The following KCNQ5 variants were observed in gnomAD, a reference collection of about 807,000 sequenced individuals.
KCNQ5 encodes the protein potassium voltage-gated channel subfamily KQT member 5.
A neutral mutation model predicts 98.2 loss-of-function variants in KCNQ5; 30 were observed. The observed-to-expected ratio is 0.31, with a 90% CI of 0.23 to 0.41. The LOEUF (loss-of-function observed/expected upper bound fraction) is 0.41. KCNQ5 is among the 10% of genes least tolerant of loss of function. KCNQ5 has a pLI of 1.00. For missense variants in KCNQ5, 835 were observed against 1,182.5 expected (o/e 0.71, Z 4.31); for synonymous variants, 458 against 449.4 (o/e 1.02, Z -0.24).
intron 1 of KCNQ5, among the ~76,000 whole-genome samples, chr6:72,764,434 G>A (rs1288806997): frequency 2.0e-5 from 3 of 151,924 alleles, no homozygotes; most frequent in African/African-American, 4.8e-5. Context: ...AACAAGGAAA[G>A]CACAATCCCT....
rs1333894825 is a variant in KCNQ5 at position 73,194,872 on chromosome 6, C to A, written c.2257C>A (p.Pro753Thr). The change falls in exon 14 of 14, where the codon CCT (proline) becomes ACT (threonine). Residue 753 changes from proline to threonine, a missense_variant. Pro to Thr is a conservative substitution (Grantham distance 38). Around this residue, in one of 10 missense-constraint regions of KCNQ5, gnomAD observed 416 missense variants for 446.9 expected, o/e 0.93. Transcript: ENST00000370398. ...AAPTTLQIPPPLPAIKHLPRP... is the reference protein window; with the variant it reads ...AAPTTLQIPPTLPAIKHLPRP... ...CCCAACAACTTTACAGATCCCACCTCCTCTCCCAGCCATCAAGCATCTGCC... is the reference window on the plus strand; with the variant it reads ...CCCAACAACTTTACAGATCCCACCTACTCTCCCAGCCATCAAGCATCTGCC... The A allele has an allele frequency of 1.9e-6, 3 of 1,614,068 alleles. No individual in the cohort carries two copies. Among genetic ancestry groups the A allele is most frequent in the South Asian group, 1.1e-5 (1 of 91,078 alleles).
At chr6:72,896,853 T>A (rs977916609) in intron 1 of KCNQ5, among the ~76,000 whole-genome samples, 3 of 152,098 alleles carry the variant, frequency 2.0e-5, no homozygotes, top group African/African-American at 7.2e-5. Context: ...TCATAGAAAA[T>A]GCAAGTATTG....
chr6:72,761,276 A>G (rs933621715), intron 1 of KCNQ5, among the ~76,000 whole-genome samples: 1 of 152,148 alleles, frequency 6.6e-6, no homozygotes, highest in Non-Finnish European at 1.5e-5. Flanking sequence ...ATCAGTTTAC[A>G]AATACAGAGA....
rs141659375 is a variant in KCNQ5, at chr6:72,635,209, T to A, written c.398+12622T>A. Among the ~76,000 whole-genome samples, 667 of 152,076 alleles carry A rather than the reference T, an allele frequency of 4.4e-3. 19 individuals carry two copies. The highest frequency in any genetic ancestry group is 0.031 in the Admixed American group (479 of 15,272). On this transcript the variant is annotated intron_variant, in intron 1 of 13. Coordinates refer to ENST00000370398, the MANE Select transcript of KCNQ5 (RefSeq NM_019842.4). ...GCCCAGCTAATTTTTTTTTTATTAT[T>A]TGTAGAGACAGGGTCTCACTATGTT...
chr6:73,121,809 G>T (rs1775762988), intron 8 of KCNQ5, among the ~76,000 whole-genome samples: 1 of 152,236 alleles, frequency 6.6e-6, no homozygotes, highest in South Asian at 2.1e-4. Context: ...TCCCTGTTCT[G>T]CCCTTGGCCT....
Position 73,100,049 on chromosome 6 carries a change from A to G in KCNQ5, c.919-5208A>G, listed in dbSNP as rs1005000829. On this transcript the variant is annotated intron_variant, in intron 5 of 13. Coordinates refer to ENST00000370398, the MANE Select transcript of KCNQ5 (RefSeq NM_019842.4). ...ATCAGTAACAAGAGAAAATTTGGAAACTATACAAACACATGTAAATTAAAC... is the reference window on the plus strand; with the variant it reads ...ATCAGTAACAAGAGAAAATTTGGAAGCTATACAAACACATGTAAATTAAAC... Among the ~76,000 whole-genome samples the G allele has an allele frequency of 2.0e-5, 3 of 152,252 alleles. 1 individual carries two copies. Among genetic ancestry groups the G allele is most frequent in the Non-Finnish European group, 4.4e-5 (3 of 68,046 alleles).
chr6:73,091,602 T>C (rs750698170), intron 5 of KCNQ5, among the ~76,000 whole-genome samples: 12 of 152,332 alleles, frequency 7.9e-5, no homozygotes, highest in Middle Eastern at 6.8e-3. Flanking sequence ...TTCTGGATTC[T>C]CTATTCTGTT....
intron 3 of KCNQ5, among the ~76,000 whole-genome samples, chr6:73,061,323 G>A (rs571877622): frequency 4.6e-4 from 70 of 152,190 alleles, no homozygotes; most frequent in African/African-American, 1.6e-3. Context: ...GTAGGAGTAA[G>A]ATTTTTCAGC....
intron 1 of KCNQ5, among the ~76,000 whole-genome samples, chr6:72,889,450 T>C (rs1318373790): frequency 6.6e-6 from 1 of 152,136 alleles, no homozygotes; most frequent in Admixed American, 6.5e-5. Flanking sequence ...AGACTTACAT[T>C]CTCCCTTCAC....
At chr6:72,769,872 A>G (rs1772767978) in intron 1 of KCNQ5, among the ~76,000 whole-genome samples, 1 of 152,128 alleles carries the variant, frequency 6.6e-6, no homozygotes, top group Non-Finnish European at 1.5e-5. Context: ...AGAACTCAAC[A>G]GCTGTTAATT....
At chr6:72,947,776 A>C (rs777385444) in intron 1 of KCNQ5, among the ~76,000 whole-genome samples, 2 of 152,124 alleles carry the variant, frequency 1.3e-5, no homozygotes, top group African/African-American at 2.4e-5. Flanking sequence ...ATATTAAATT[A>C]TGAGACTTAT....
At chr6:72,900,187 C>T (rs1779431085) in intron 1 of KCNQ5, among the ~76,000 whole-genome samples, 1 of 151,976 alleles carries the variant, frequency 6.6e-6, no homozygotes, top group South Asian at 2.1e-4. Context: ...TCCCACATAT[C>T]AGTGAGAACA....
intron 1 of KCNQ5, among the ~76,000 whole-genome samples, chr6:72,746,147 C>T: frequency 7.2e-6 from 1 of 139,022 alleles, no homozygotes; most frequent in South Asian, 2.5e-4. Flanking sequence ...TTCAACATTT[C>T]TTTATAGGAG....
At chr6:73,145,551 C>G (rs1240435238) in intron 10 of KCNQ5, among the ~76,000 whole-genome samples, 2 of 152,174 alleles carry the variant, frequency 1.3e-5, no homozygotes, top group East Asian at 3.8e-4. Flanking sequence ...CAAATATTCT[C>G]TCCCTATACC....
At chr6:72,885,760 G>A (rs1778822067) in intron 1 of KCNQ5, among the ~76,000 whole-genome samples, 1 of 152,164 alleles carries the variant, frequency 6.6e-6, no homozygotes, top group Non-Finnish European at 1.5e-5. Context: ...GGGAAAGGAA[G>A]CAGAGCCTTC....
intron 1 of KCNQ5, among the ~76,000 whole-genome samples, chr6:72,767,643 A>G (rs894627778): frequency 6.6e-6 from 1 of 152,078 alleles, no homozygotes; most frequent in East Asian, 1.9e-4. Context: ...ACTCAATAGT[A>G]TAAAGACATT....
At chr6:72,773,893 G>A (rs1177557058) in intron 1 of KCNQ5, among the ~76,000 whole-genome samples, 1 of 152,078 alleles carries the variant, frequency 6.6e-6, no homozygotes. Flanking sequence ...AGATAGTGTA[G>A]TATTGGTGAG....
chr6:72,939,138 TCA>T (rs1007307780), intron 1 of KCNQ5, among the ~76,000 whole-genome samples: 2 of 152,176 alleles, frequency 1.3e-5, no homozygotes, highest in Admixed American at 6.5e-5. Flanking sequence ...TACAGAACGC[TCA>T]GTGCTTTTGG....
chr6:72,840,918 C>T (rs956368733), intron 1 of KCNQ5, among the ~76,000 whole-genome samples: 9 of 152,100 alleles, frequency 5.9e-5, no homozygotes, highest in Admixed American at 1.3e-4. Flanking sequence ...ATGAAGTCTA[C>T]GGTTATGTTT....
Sources: allele counts gnomAD v4.1 joint callset (sites outside exome capture counted in the v4.1 genomes callset), GRCh38; gene constraint gnomAD v4.1.1; regional missense constraint gnomAD v4.1.1; transcripts MANE v1.5; gene names NCBI Gene and HGNC (gene_info 2026-07-23, HGNC 2026-07-21).